The following MED13L variants were observed in gnomAD, a reference collection of about 807,000 sequenced individuals.
The protein encoded by MED13L is mediator of RNA polymerase II transcription subunit 13-like.
In MED13L, 7 loss-of-function variants were observed where a neutral mutation model predicts 220.9. That is an observed-to-expected ratio of 0.03 (90% CI 0.02 to 0.06). MED13L has a LOEUF of 0.06. Ranked by LOEUF, MED13L falls within the 10% of genes least tolerant of loss-of-function variation. The pLI is 1.00. For synonymous variants in MED13L, 1,011 were observed against 1,015.2 expected (o/e 1.00, Z 0.08); for missense variants, 1,965 against 2,760.5 (o/e 0.71, Z 6.46).
At chr12:116,113,109 T>A (rs1874219061) in intron 2 of MED13L, among the ~76,000 whole-genome samples, 1 of 152,178 alleles carries the variant, frequency 6.6e-6, no homozygotes, top group Non-Finnish European at 1.5e-5. Flanking sequence ...CAAAATAAAT[T>A]AGTTAAAAAT....
chr12:116,154,796 ATT>A (rs1354219113), intron 2 of MED13L, among the ~76,000 whole-genome samples: 9 of 152,272 alleles, frequency 5.9e-5, no homozygotes, highest in Non-Finnish European at 1.3e-4. Flanking sequence ...CGATAAAGAT[ATT>A]CTTTTTATTT....
intron 5 of MED13L, 119 bp downstream of exon 5, chr12:116,022,337 T>C (rs1048141060): frequency 8.2e-7 from 1 of 1,220,024 alleles, no homozygotes; most frequent in Non-Finnish European, 1.2e-6. Flanking sequence ...ATCTGACCCT[T>C]ATGCTTAGCT....
chr12:115,992,621 G>A (rs571216414), intron 16 of MED13L, among the ~76,000 whole-genome samples: 31 of 152,310 alleles, frequency 2.0e-4, no homozygotes, highest in African/African-American at 7.2e-4. Flanking sequence ...ACAACTGATA[G>A]AAATATTACA....
chr12:116,266,545 G>A (rs984405989), intron 1 of MED13L, among the ~76,000 whole-genome samples: 2 of 152,212 alleles, frequency 1.3e-5, no homozygotes, highest in Non-Finnish European at 2.9e-5. Context: ...ATAAGTCAGA[G>A]AAAAGGTGCT....
At chr12:116,009,291 A>C in intron 9 of MED13L, 159 bp from the exon 10 acceptor site, 3 of 683,576 alleles carry the variant, frequency 4.4e-6, no homozygotes, top group Non-Finnish European at 4.9e-6. Context: ...AATACACCCC[A>C]ATGAAAAATG....
chr12:116,268,471 T>C (rs968399121), intron 1 of MED13L, among the ~76,000 whole-genome samples: 6 of 152,186 alleles, frequency 3.9e-5, no homozygotes, highest in Non-Finnish European at 1.5e-5. Flanking sequence ...CTTAATAATA[T>C]TGAAATGAGG....
chr12:116,170,372 A>G (rs1227724898), intron 2 of MED13L, among the ~76,000 whole-genome samples: 1 of 152,108 alleles, frequency 6.6e-6, no homozygotes, highest in Non-Finnish European at 1.5e-5. Context: ...TGGAGAAAAT[A>G]CCTACCAAAT....
chr12:115,996,958 AAT>A, intron 15 of MED13L, 50 bp downstream of exon 15: 2 of 1,530,400 alleles, frequency 1.3e-6, no homozygotes, highest in Middle Eastern at 3.4e-4. Flanking sequence ...GATGTATGTG[AAT>A]CCACTTGGAA....
At chr12:115,998,829 T>C (rs1878568947) in intron 14 of MED13L, among the ~76,000 whole-genome samples, 1 of 152,196 alleles carries the variant, frequency 6.6e-6, no homozygotes, top group Non-Finnish European at 1.5e-5. Flanking sequence ...CACTGCTACT[T>C]ATTTTCTATA....
chr12:116,098,107 G>A (rs981209128), intron 3 of MED13L, among the ~76,000 whole-genome samples: 6 of 151,966 alleles, frequency 3.9e-5, no homozygotes, highest in African/African-American at 7.3e-5. Context: ...TTAGCTGGGC[G>A]TGGTGGTGCG....
At chr12:116,067,561 A>G (rs1870043631) in intron 4 of MED13L, among the ~76,000 whole-genome samples, 1 of 152,228 alleles carries the variant, frequency 6.6e-6, no homozygotes, top group Non-Finnish European at 1.5e-5. Context: ...TATATATTGG[A>G]TATCATCATC....
intron 2 of MED13L, among the ~76,000 whole-genome samples, chr12:116,134,955 G>A (rs1456955387): frequency 6.6e-6 from 1 of 152,108 alleles, no homozygotes; most frequent in African/African-American, 2.4e-5. Context: ...GGATCACGAG[G>A]TCAGGAGATG....
At chr12:116,187,939 C>T (rs1214690390) in intron 2 of MED13L, among the ~76,000 whole-genome samples, 1 of 147,696 alleles carries the variant, frequency 6.8e-6, no homozygotes, top group Non-Finnish European at 1.5e-5. Context: ...GCCTCTTGAA[C>T]ACAGCAAGAA....
chr12:116,234,437 C>T (rs1423034317), intron 2 of MED13L, among the ~76,000 whole-genome samples: 1 of 151,928 alleles, frequency 6.6e-6, no homozygotes, highest in Non-Finnish European at 1.5e-5. Context: ...ACTATGTTGG[C>T]CAGGCTGGTC....
intron 4 of MED13L, among the ~76,000 whole-genome samples, chr12:116,065,035 T>C (rs1012962379): frequency 1.3e-5 from 2 of 152,234 alleles, no homozygotes; most frequent in Admixed American, 1.3e-4. Flanking sequence ...ACACAGATTG[T>C]ACCCAGACAA....
rs574284145 is a variant in MED13L at position 116,132,182 on chromosome 12, C to A, written c.311-20670G>T. Among the ~76,000 whole-genome samples the A allele has an allele frequency of 3.3e-4, 48 of 147,034 alleles. 2 individuals carry two copies. In the South Asian group the frequency reaches 0.01, roughly 31 times the overall value. ...TGTAATCCCAGCTACTCAGGAGGCT[C>A]AGGTGAAGAATCACTTGAACCTGAG... is the stretch of plus-strand genomic sequence containing the variant. On this transcript the variant is annotated intron_variant, in intron 2 of 30. Transcript: ENST00000281928.
At chr12:116,012,662 A>G (rs1268737632) in intron 9 of MED13L, 135 bp downstream of exon 9, 1 of 760,078 alleles carries the variant, frequency 1.3e-6, no homozygotes, top group African/African-American at 1.7e-5. Context: ...TGCATATAAG[A>G]AAAAAACTAA....
chr12:116,275,030 A>G (rs114048011), intron 1 of MED13L, among the ~76,000 whole-genome samples: 60 of 152,140 alleles, frequency 3.9e-4, no homozygotes, highest in African/African-American at 1.4e-3. Context: ...GATATACCCT[A>G]AAGACTGGCT....
At chr12:115,980,287 G>A (rs1877234660) in intron 23 of MED13L, among the ~76,000 whole-genome samples, 1 of 152,174 alleles carries the variant, frequency 6.6e-6, no homozygotes, top group Non-Finnish European at 1.5e-5. Flanking sequence ...GTTCAGAGAA[G>A]TATCTCCTCT....
Sources: allele counts gnomAD v4.1 joint callset (sites outside exome capture counted in the v4.1 genomes callset), GRCh38; gene constraint gnomAD v4.1.1; transcripts MANE v1.5; gene names NCBI Gene and HGNC (gene_info 2026-07-23, HGNC 2026-07-21).